BCL2L1: variants seen among roughly 807,000 people sequenced by gnomAD.
BCL2L1 encodes the protein BCL2 like 1.
Under a neutral mutation model 18.7 loss-of-function variants are expected in BCL2L1, and 1 was observed. The ratio of observed to expected loss-of-function variants is 0.05; its 90% CI spans 0.02 to 0.25. The LOEUF (loss-of-function observed/expected upper bound fraction) is 0.25. Ranked by LOEUF, BCL2L1 falls within the 10% of genes least tolerant of loss-of-function variation. The probability of loss-of-function intolerance (pLI) is 1.00; values close to 1 mark genes in which losing one functional copy is unlikely to be tolerated. For synonymous variants in BCL2L1, 103 were observed against 122.7 expected, an observed-to-expected ratio of 0.84 and a Z score of 1.06; for missense variants, 207 against 304.9, an observed-to-expected ratio of 0.68 and a Z score of 2.39.
chr20:31,698,796 TCCTA>T (rs1303214110), intron 2 of BCL2L1, among the ~76,000 whole-genome samples: 1 of 152,170 alleles, frequency 6.6e-6, no homozygotes, highest in African/African-American at 2.4e-5. Context: ...TGCCTCAGCC[TCCTA>T]AAGTGCTCAG....
At position 31,720,575 on chromosome 20, in the gene BCL2L1, CAGG is replaced by C. The variant is rs541154415; in HGVS notation, c.564+1077_564+1079del. ...CATCTCATCCTGGCTCAGTGATGGG[CAGG>C]AGAACTCTCCCTCCCTGGAAAGGGA... On this transcript the variant is annotated intron_variant, in intron 2 of 2. Transcript: ENST00000307677. The C allele has an allele frequency of 1.4e-4, 136 of 985,432 alleles. No homozygotes were observed. In the South Asian group the frequency reaches 4.9e-3, roughly 36 times the overall value. The allele number at this position is 985,432 out of a possible 1,614,324, so 61.0% of individuals were successfully genotyped here.
intron 2 of BCL2L1, among the ~76,000 whole-genome samples, chr20:31,688,030 T>C (rs1211308756): frequency 1.3e-5 from 2 of 152,174 alleles, no homozygotes; most frequent in Non-Finnish European, 2.9e-5. Context: ...AGCCTTCCTC[T>C]TTGAGTAGTT....
chr20:31,684,889 C>T (rs934089811), intron 2 of BCL2L1, among the ~76,000 whole-genome samples: 4 of 152,198 alleles, frequency 2.6e-5, no homozygotes, highest in African/African-American at 9.7e-5. Context: ...TTGGTGTTCA[C>T]CACATGCAGC....
At chr20:31,719,008 T>G (rs1316232439) in intron 2 of BCL2L1, among the ~76,000 whole-genome samples, 1 of 152,200 alleles carries the variant, frequency 6.6e-6, no homozygotes, top group Non-Finnish European at 1.5e-5. Flanking sequence ...TTCAGACACT[T>G]AACTGGCTGA....
At chr20:31,682,021 A>C (rs537769907) in intron 2 of BCL2L1, among the ~76,000 whole-genome samples, 1 of 152,198 alleles carries the variant, frequency 6.6e-6, no homozygotes, top group Non-Finnish European at 1.5e-5. Flanking sequence ...CACAGAGTAG[A>C]CAGGCTCCAG....
Position 31,714,759 on chromosome 20 carries a change from C to T in BCL2L1, c.564+6896G>A, listed in dbSNP as rs555015873. On this transcript the variant is annotated intron_variant, in intron 2 of 2. Coordinates refer to ENST00000307677, the MANE Select transcript of BCL2L1 (RefSeq NM_138578.3). ...ATATCACATTTGGAGAGAACTATTC[C>T]CAAAGAACATCTATCTTACTTAACT... is the stretch of plus-strand genomic sequence containing the variant. Among the ~76,000 whole-genome samples the T allele has an allele frequency of 2.0e-5, 3 of 152,218 alleles. No individual in the cohort carries two copies. The South Asian group carries it at 6.2e-4, about 32-fold the overall frequency.
rs148784162 is a variant in BCL2L1, at chr20:31,702,160, C to T, written c.564+19495G>A. Among the ~76,000 whole-genome samples, 72 of 152,272 alleles carry T rather than the reference C, an allele frequency of 4.7e-4. 2 individuals carry two copies. In the East Asian group the frequency reaches 0.012, roughly 24 times the overall value. ...AAATGTAGGCCTCAGAAAGGAAATA[C>T]TAGGGGCAGAACATTTCAGGCAGAG... On this transcript the variant is annotated intron_variant, in intron 2 of 2. Transcript: ENST00000307677.
chr20:31,677,658 T>A (rs1165886091), intron 2 of BCL2L1, among the ~76,000 whole-genome samples: 1 of 152,200 alleles, frequency 6.6e-6, no homozygotes. Flanking sequence ...TACAAGGGCC[T>A]GCAGGGTTTT....
At chr20:31,697,735 C>G (rs2061199392) in intron 2 of BCL2L1, among the ~76,000 whole-genome samples, 1 of 152,012 alleles carries the variant, frequency 6.6e-6, no homozygotes, top group East Asian at 1.9e-4. Context: ...CTGTGCCCGG[C>G]CTAACAGGTG....
At chr20:31,672,093 G>A (rs2060679858) in intron 2 of BCL2L1, among the ~76,000 whole-genome samples, 1 of 151,372 alleles carries the variant, frequency 6.6e-6, no homozygotes, top group Admixed American at 6.6e-5. Context: ...GTCTTACTGG[G>A]AAGCAGAGAG....
chr20:31,697,099 A>G (rs556504545), intron 2 of BCL2L1, among the ~76,000 whole-genome samples: 3 of 152,050 alleles, frequency 2.0e-5, no homozygotes, highest in South Asian at 4.1e-4. Flanking sequence ...GCATGTGCCT[A>G]TATTTTAGCT....
chr20:31,723,050 G>C (rs2061663398), upstream of BCL2L1: 1 of 152,874 alleles, frequency 6.5e-6, no homozygotes, highest in African/African-American at 2.4e-5. Context: ...AGGGTGAGGT[G>C]GAGGCGTCCG....
chr20:31,702,112 G>A (rs575667839), intron 2 of BCL2L1, among the ~76,000 whole-genome samples: 5 of 152,344 alleles, frequency 3.3e-5, no homozygotes, highest in African/African-American at 1.2e-4. Context: ...GTCTCTCAGA[G>A]GAGGTGACCA....
At chr20:31,682,202 C>T (rs138961533) in intron 2 of BCL2L1, among the ~76,000 whole-genome samples, 1 of 152,326 alleles carries the variant, frequency 6.6e-6, no homozygotes, top group African/African-American at 2.4e-5. Flanking sequence ...TGTGCAAGAA[C>T]TTCCCAAGTC....
intron 2 of BCL2L1, among the ~76,000 whole-genome samples, chr20:31,709,508 C>T (rs1600902727): frequency 6.6e-6 from 1 of 151,914 alleles, no homozygotes; most frequent in African/African-American, 2.4e-5. Context: ...ATTACAGGCG[C>T]CCGCCACCAC....
intron 2 of BCL2L1, among the ~76,000 whole-genome samples, chr20:31,674,324 T>C (rs1471155931): frequency 2.6e-5 from 4 of 152,168 alleles, no homozygotes; most frequent in African/African-American, 9.7e-5. Context: ...CATTAACCCA[T>C]ATAGCTGATG....
intron 2 of BCL2L1, among the ~76,000 whole-genome samples, chr20:31,685,520 G>A (rs1047006012): frequency 6.6e-6 from 1 of 152,130 alleles, no homozygotes. Flanking sequence ...CTCTAGTTCC[G>A]CACAGAAAAA....
intron 2 of BCL2L1, among the ~76,000 whole-genome samples, chr20:31,691,593 C>A (rs889621340): frequency 6.6e-6 from 1 of 150,692 alleles, no homozygotes; most frequent in African/African-American, 2.5e-5. Flanking sequence ...TGGCGCCCGG[C>A]GAACAAATTA....
chr20:31,677,892 G>A (rs2060789257), intron 2 of BCL2L1, among the ~76,000 whole-genome samples: 1 of 152,220 alleles, frequency 6.6e-6, no homozygotes, highest in African/African-American at 2.4e-5. Context: ...TCCAGAGAAG[G>A]TGCTGAAGAG....
Sources: allele counts gnomAD v4.1 joint callset (sites outside exome capture counted in the v4.1 genomes callset), GRCh38; gene constraint gnomAD v4.1.1; transcripts MANE v1.5; gene names NCBI Gene and HGNC (gene_info 2026-07-23, HGNC 2026-07-21).